Variants in RAB27A observed in about 807,000 individuals in gnomAD.
The protein encoded by RAB27A is ras-related protein Rab-27A.
In RAB27A, 17 loss-of-function variants were observed where a neutral mutation model predicts 20.8. The ratio of observed to expected loss-of-function variants is 0.82; its 90% CI spans 0.56 to 1.23. RAB27A has a LOEUF of 1.23. Among genes scored for constraint, RAB27A ranks in the 50% most tolerant of loss-of-function variants. The pLI is 0.00. For synonymous variants in RAB27A, 85 were observed against 92.8 expected, an observed-to-expected ratio of 0.92 and a Z score of 0.48; for missense variants, 277 against 266.7, an observed-to-expected ratio of 1.04 and a Z score of -0.27.
chr15:55,269,321 A>G (rs776943000), intron 2 of RAB27A, among the ~76,000 whole-genome samples: 3 of 152,256 alleles, frequency 2.0e-5, no homozygotes, highest in Non-Finnish European at 4.4e-5. Flanking sequence ...TCTAAAATAT[A>G]TGGACATTTC....
At chr15:55,226,804 G>A (rs2140967306) in intron 5 of RAB27A, among the ~76,000 whole-genome samples, 1 of 150,200 alleles carries the variant, frequency 6.7e-6, no homozygotes, top group South Asian at 2.1e-4. Flanking sequence ...GGAGGCAGAG[G>A]TTGCAGTGAG....
chr15:55,283,650 A>C (rs558443375), intron 1 of RAB27A, among the ~76,000 whole-genome samples: 4 of 152,318 alleles, frequency 2.6e-5, no homozygotes, highest in South Asian at 4.1e-4. Flanking sequence ...AAATGATGCG[A>C]TTTATTATGA....
rs148250815 is a variant in RAB27A at position 55,266,291 on chromosome 15, C to T, written c.-23+3874G>A. ...ACCAAAATCTGAGCATGCTGATACC[C>T]TGATCTCAGACTTTCAGCCTCTAGA... On this transcript the variant is annotated intron_variant, in intron 2 of 6. Coordinates refer to ENST00000336787, the MANE Select transcript of RAB27A (RefSeq NM_183235.3). Among the ~76,000 whole-genome samples, 5 of 152,302 alleles carry T rather than the reference C, an allele frequency of 3.3e-5. No homozygotes were observed. In the East Asian group the frequency reaches 9.6e-4, roughly 29 times the overall value.
chr15:55,244,018 T>C (rs1896592895), intron 2 of RAB27A, among the ~76,000 whole-genome samples: 1 of 151,850 alleles, frequency 6.6e-6, no homozygotes, highest in East Asian at 1.9e-4. Flanking sequence ...GTGTGAAGCT[T>C]GGGCGGGCAC....
At chr15:55,302,992 T>G (rs1263832252) in intron 2 of RAB27A, among the ~76,000 whole-genome samples, 10 of 107,044 alleles carry the variant, frequency 9.3e-5, no homozygotes, top group African/African-American at 1.4e-4. Context: ...TGGGGGGGGG[T>G]CAACCCCCCG....
chr15:55,304,938 C>A (rs1338922246), intron 2 of RAB27A, among the ~76,000 whole-genome samples: 1 of 151,912 alleles, frequency 6.6e-6, no homozygotes, highest in African/African-American at 2.4e-5. Flanking sequence ...GGGAGGGGAC[C>A]CAAAGAGGGT....
intron 2 of RAB27A, among the ~76,000 whole-genome samples, chr15:55,247,323 T>C (rs987931661): frequency 2.0e-5 from 3 of 150,302 alleles, no homozygotes; most frequent in African/African-American, 7.4e-5. Context: ...AAAATAGAAA[T>C]GATAGCACTG....
chr15:55,318,129 G>A (rs1306077223), intron 1 of RAB27A, among the ~76,000 whole-genome samples: 8 of 138,416 alleles, frequency 5.8e-5, no homozygotes, highest in South Asian at 4.4e-4. Context: ...ACGGAGTCTC[G>A]CTCTGTCGCC....
chr15:55,315,468 G>A (rs886486264), intron 1 of RAB27A, among the ~76,000 whole-genome samples: 4 of 152,228 alleles, frequency 2.6e-5, no homozygotes, highest in Non-Finnish European at 5.9e-5. Context: ...GAGTGAACAG[G>A]CAACCTACAG....
intron 6 of RAB27A, among the ~76,000 whole-genome samples, chr15:55,209,820 GTA>G (rs1301013687): frequency 3.4e-5 from 4 of 119,108 alleles, no homozygotes; most frequent in Non-Finnish European, 6.5e-5. Context: ...ACACATGTGT[GTA>G]TATATACATA....
intron 4 of RAB27A, 64 bp from the exon 5 acceptor site, chr15:55,228,776 A>C: frequency 9.0e-7 from 1 of 1,112,826 alleles, no homozygotes; most frequent in South Asian, 1.2e-5. Context: ...ATAAAACTAC[A>C]AGCAATGCCT....
chr15:55,302,054 G>A lies in RAB27A; in HGVS notation c.-112+11985C>T, dbSNP rs575368318. ...TAGCCGACCATGGTAGTTTGTGCCT[G>A]TGATCCCACCTATTCGGGAGGCTAA... On this transcript the variant is annotated intron_variant, in intron 2 of 5. Transcript: ENST00000563262. Among the ~76,000 whole-genome samples the A allele has an allele frequency of 2.6e-5, 4 of 152,022 alleles. No individual in the cohort carries two copies. In the South Asian group the frequency reaches 8.3e-4, roughly 32 times the overall value.
intron 2 of RAB27A, among the ~76,000 whole-genome samples, chr15:55,303,072 G>A (rs1439052394): frequency 1.5e-4 from 21 of 142,476 alleles, no homozygotes; most frequent in Non-Finnish European, 2.2e-4. Flanking sequence ...CGCGCCATCC[G>A]GGAGGGAGGT....
At chr15:55,215,966 AAAG>A (rs1319494052) in intron 6 of RAB27A, among the ~76,000 whole-genome samples, 2 of 151,384 alleles carry the variant, frequency 1.3e-5, no homozygotes, top group Admixed American at 6.6e-5. Flanking sequence ...AAAAAAAAAA[AAAG>A]AAGTCATAAC....
intron 6 of RAB27A, among the ~76,000 whole-genome samples, chr15:55,219,575 T>C (rs1295086624): frequency 6.6e-6 from 1 of 152,200 alleles, no homozygotes; most frequent in Non-Finnish European, 1.5e-5. Flanking sequence ...CGGGACCCAG[T>C]GTTCAGGTGA....
At chr15:55,272,393 C>T (rs1220596564) in intron 1 of RAB27A, among the ~76,000 whole-genome samples, 1 of 151,940 alleles carries the variant, frequency 6.6e-6, no homozygotes, top group Non-Finnish European at 1.5e-5. Context: ...AGTGAGACTC[C>T]GTCTCAAAAA....
At chr15:55,273,312 G>A (rs746830309) in intron 1 of RAB27A, among the ~76,000 whole-genome samples, 6 of 151,858 alleles carry the variant, frequency 4.0e-5, no homozygotes, top group Non-Finnish European at 7.4e-5. Flanking sequence ...GGGAGGCTGA[G>A]GCATGAGAAT....
rs138486749 is a variant in RAB27A, at chr15:55,282,109, C to T, written c.-143+7607G>A. 8.4e-3 allele frequency among the ~76,000 whole-genome samples: 1,285 copies of T among 152,296 alleles called. 19 individuals carry two copies. Among genetic ancestry groups the T allele is most frequent in the African/African-American group, 0.03 (1,229 of 41,554 alleles). On this transcript the variant is annotated intron_variant, in intron 1 of 6. Coordinates refer to ENST00000336787, the MANE Select transcript of RAB27A (RefSeq NM_183235.3). ...GGGAAATCATAATATACTTGTTTCA[C>T]CTCCTAATGTATTTCAGAGGAGTTC...
intron 2 of RAB27A, among the ~76,000 whole-genome samples, chr15:55,302,826 C>T (rs1456827523): frequency 7.3e-6 from 1 of 137,006 alleles, no homozygotes; most frequent in Non-Finnish European, 1.6e-5. Context: ...AGTGAGGAGA[C>T]CCTCTGCCTG....
Sources: gnomAD v4.1 joint callset for allele counts (sites outside exome capture counted in the v4.1 genomes callset) on GRCh38, gnomAD v4.1.1 for gene constraint, MANE v1.5 for transcripts, NCBI Gene and HGNC (gene_info 2026-07-23, HGNC 2026-07-21) for gene names.